TMEM45A: variants seen among roughly 807,000 people sequenced by gnomAD.
TMEM45A encodes the protein transmembrane protein 45A.
Under a neutral mutation model 32.0 loss-of-function variants are expected in TMEM45A, and 25 were observed. That is an observed-to-expected ratio of 0.78 (90% CI 0.57 to 1.09). The LOEUF is 1.09. Ranked by LOEUF, TMEM45A falls within the 50% of genes least tolerant of loss-of-function variation. The pLI is 0.00. For synonymous variants in TMEM45A, 122 were observed against 114.8 expected, an observed-to-expected ratio of 1.06 and a Z score of -0.40; for missense variants, 302 against 325.0, an observed-to-expected ratio of 0.93 and a Z score of 0.54.
intron 1 of TMEM45A, chr3:100,519,381 G>C (rs1705381492): frequency 1.7e-6 from 1 of 580,304 alleles, no homozygotes; most frequent in Non-Finnish European, 3.0e-6. Context: ...GTGTGTGTGT[G>C]TGTGCATGTG....
At chr3:100,533,140 A>G (rs1308302939) in intron 1 of TMEM45A, among the ~76,000 whole-genome samples, 2 of 152,094 alleles carry the variant, frequency 1.3e-5, no homozygotes, top group Non-Finnish European at 2.9e-5. Context: ...TCCTTCACTT[A>G]GCGATGCAGT....
intron 1 of TMEM45A, among the ~76,000 whole-genome samples, chr3:100,551,472 C>T (rs559561185): frequency 5.3e-5 from 8 of 152,126 alleles, no homozygotes; most frequent in African/African-American, 1.7e-4. Flanking sequence ...CTCCTTCAAA[C>T]GAGAATGTCT....
chr3:100,562,929 G>A (rs1324541516), intron 4 of TMEM45A, among the ~76,000 whole-genome samples: 1 of 152,170 alleles, frequency 6.6e-6, no homozygotes, highest in African/African-American at 2.4e-5. Context: ...AAGGTTTAGG[G>A]CAAGTGATAC....
Position 100,517,125 on chromosome 3 carries a change from C to CT in TMEM45A, c.-4+24206dup, listed in dbSNP as rs1553680706. 7.9e-5 allele frequency among the ~76,000 whole-genome samples: 12 copies of CT among 151,156 alleles called. No homozygotes were observed. The East Asian group carries it at 9.7e-4, about 12-fold the overall frequency. On this transcript the variant is annotated intron_variant, in intron 1 of 5. Coordinates refer to ENST00000323523, the MANE Select transcript of TMEM45A (RefSeq NM_018004.3). Reference sequence around the variant, plus strand: ...GGGAATGAAATTTTTCTTTTCTTTTCTTTTTTTTTAAGACAGAGTCTCTCT... The same window carrying CT: ...GGGAATGAAATTTTTCTTTTCTTTTCTTTTTTTTTTAAGACAGAGTCTCTCT...
At chr3:100,513,151 A>G (rs1455756943) in intron 1 of TMEM45A, among the ~76,000 whole-genome samples, 2 of 148,844 alleles carry the variant, frequency 1.3e-5, no homozygotes, top group African/African-American at 2.5e-5. Context: ...CTGATACCAA[A>G]GCCTGGCAGA....
At chr3:100,498,021 T>C (rs7431374) in intron 1 of TMEM45A, among the ~76,000 whole-genome samples, 1 of 152,158 alleles carries the variant, frequency 6.6e-6, no homozygotes, top group Admixed American at 6.5e-5. Flanking sequence ...AGGGACCTGG[T>C]GGGAGGTGAT....
At chr3:100,558,330 G>A (rs539839630) in intron 3 of TMEM45A, 75 bp from the exon 4 acceptor site, 17 of 1,565,028 alleles carry the variant, frequency 1.1e-5, no homozygotes, top group Middle Eastern at 2.3e-4. Flanking sequence ...TTCTGTCTAC[G>A]GAGAGAGGGA....
intron 1 of TMEM45A, among the ~76,000 whole-genome samples, chr3:100,541,437 T>C (rs1705873517): frequency 6.6e-6 from 1 of 152,168 alleles, no homozygotes; most frequent in Non-Finnish European, 1.5e-5. Context: ...ATAGGCTTTC[T>C]TCTAGGATTC....
intron 1 of TMEM45A, among the ~76,000 whole-genome samples, chr3:100,527,840 A>G (rs1705574879): frequency 6.6e-6 from 1 of 152,232 alleles, no homozygotes; most frequent in Admixed American, 6.5e-5. Context: ...TCAGAAAAGC[A>G]TAGGATGTTC....
intron 4 of TMEM45A, among the ~76,000 whole-genome samples, chr3:100,566,229 C>CA (rs1706434938): frequency 1.3e-5 from 2 of 152,126 alleles, no homozygotes; most frequent in Non-Finnish European, 2.9e-5. Context: ...ACTATGAACA[C>CA]TCATGTACAA....
intron 1 of TMEM45A, among the ~76,000 whole-genome samples, chr3:100,530,218 G>A (rs1576273094): frequency 2.6e-5 from 4 of 152,284 alleles, no homozygotes; most frequent in East Asian, 3.9e-4. Context: ...TAACCAAAAG[G>A]TTGTGTGTGG....
At chr3:100,559,365 A>G (rs769901562) in intron 4 of TMEM45A, among the ~76,000 whole-genome samples, 54 of 152,310 alleles carry the variant, frequency 3.5e-4, no homozygotes, top group Non-Finnish European at 6.6e-4. Flanking sequence ...GTTATTTTAG[A>G]GATTTGTATT....
intron 1 of TMEM45A, among the ~76,000 whole-genome samples, chr3:100,510,656 C>A (rs2148935769): frequency 6.6e-6 from 1 of 152,318 alleles, no homozygotes; most frequent in East Asian, 1.9e-4. Context: ...AAGAAGGCTT[C>A]AGATGATCAA....
At chr3:100,523,963 G>A (rs957851717) in intron 1 of TMEM45A, among the ~76,000 whole-genome samples, 6 of 152,226 alleles carry the variant, frequency 3.9e-5, no homozygotes, top group Admixed American at 3.9e-4. Context: ...TTTGGTCATA[G>A]TAGAATTCTA....
rs79379552 is a variant in TMEM45A, at chr3:100,544,487, C to T, written c.-3-10722C>T. On this transcript the variant is annotated intron_variant, in intron 1 of 5. Transcript: ENST00000323523. ...ATCAATATATAGAATATTTCCATCA[C>T]CTTGAAAAGTTCCCTAATGCCCTTT... Among the ~76,000 whole-genome samples, 1,392 of 152,212 alleles carry T rather than the reference C, an allele frequency of 9.1e-3. 19 individuals carry two copies. Among genetic ancestry groups the T allele is most frequent in the African/African-American group, 0.031 (1,295 of 41,526 alleles).
At chr3:100,514,784 AAAAC>A (rs1319032263) in intron 1 of TMEM45A, among the ~76,000 whole-genome samples, 3 of 152,006 alleles carry the variant, frequency 2.0e-5, no homozygotes, top group Admixed American at 6.5e-5. Context: ...TTACAAGAAA[AAAAC>A]AAACAACCCC....
At chr3:100,533,284 G>A (rs1172762407) in intron 1 of TMEM45A, among the ~76,000 whole-genome samples, 1 of 152,096 alleles carries the variant, frequency 6.6e-6, no homozygotes, top group Non-Finnish European at 1.5e-5. Context: ...AAGAGACTCT[G>A]ATTTAATAGG....
chr3:100,500,945 T>A (rs576370834), intron 1 of TMEM45A, among the ~76,000 whole-genome samples: 1 of 152,352 alleles, frequency 6.6e-6, no homozygotes, highest in South Asian at 2.1e-4. Context: ...GAAAATTGAT[T>A]TTTAAAAATT....
chr3:100,523,912 G>T (rs886549340), intron 1 of TMEM45A, among the ~76,000 whole-genome samples: 7 of 152,200 alleles, frequency 4.6e-5, no homozygotes, highest in Non-Finnish European at 8.8e-5. Flanking sequence ...GAAGGGAACT[G>T]CATAGAGCTA....
Sources: gnomAD v4.1 joint callset for allele counts (sites outside exome capture counted in the v4.1 genomes callset) on GRCh38, gnomAD v4.1.1 for gene constraint, MANE v1.5 for transcripts, NCBI Gene and HGNC (gene_info 2026-07-23, HGNC 2026-07-21) for gene names.